FAF1: variants seen among roughly 807,000 people sequenced by gnomAD.
The protein encoded by FAF1 is FAS-associated factor 1.
In FAF1, 25 loss-of-function variants were observed where a neutral mutation model predicts 92.5. That is an observed-to-expected ratio of 0.27 (90% confidence interval 0.20 to 0.38). FAF1 has a LOEUF of 0.38. Ranked by LOEUF, FAF1 falls within the 10% of genes least tolerant of loss-of-function variation. FAF1 has a pLI of 1.00. For synonymous variants in FAF1, 234 were observed against 273.2 expected (o/e 0.86, Z 1.42); for missense variants, 636 against 793.3 (o/e 0.80, Z 2.38).
intron 1 of FAF1, among the ~76,000 whole-genome samples, chr1:50,948,575 C>G (rs907210110): frequency 6.6e-6 from 1 of 150,886 alleles, no homozygotes; most frequent in Non-Finnish European, 1.5e-5. Context: ...CTCTGTCGCC[C>G]AGGCTGGAGT....
chr1:50,914,631 T>C (rs1644907573), intron 1 of FAF1, among the ~76,000 whole-genome samples: 2 of 152,246 alleles, frequency 1.3e-5, no homozygotes, highest in Admixed American at 6.5e-5. Flanking sequence ...CACTGCGCAT[T>C]TAATTATATT....
At chr1:50,475,407 T>C in intron 18 of FAF1, 57 bp downstream of exon 18, 1 of 1,385,682 alleles carries the variant, frequency 7.2e-7, no homozygotes, top group East Asian at 2.3e-5. Context: ...TGTTCAGCTT[T>C]AATGATGGCA....
chr1:50,663,548 A>C (rs1312739620), intron 7 of FAF1, among the ~76,000 whole-genome samples: 1 of 151,106 alleles, frequency 6.6e-6, no homozygotes, highest in Non-Finnish European at 1.5e-5. Flanking sequence ...GACCACAGGC[A>C]CATGCCACCA....
At chr1:50,854,215 G>GA in intron 2 of FAF1, among the ~76,000 whole-genome samples, 1 of 152,150 alleles carries the variant, frequency 6.6e-6, no homozygotes, top group Admixed American at 6.5e-5. Flanking sequence ...CAGAAAGTGA[G>GA]ACGTGGGTCA....
intron 15 of FAF1, among the ~76,000 whole-genome samples, chr1:50,519,207 G>C (rs1366351620): frequency 2.6e-5 from 4 of 151,976 alleles, no homozygotes; most frequent in African/African-American, 4.8e-5. Flanking sequence ...GTGGGCACCT[G>C]AAATCCCAGC....
intron 12 of FAF1, among the ~76,000 whole-genome samples, chr1:50,577,131 C>T (rs1213212429): frequency 6.6e-6 from 1 of 152,156 alleles, no homozygotes; most frequent in Admixed American, 6.5e-5. Context: ...TTTAATCTTC[C>T]ATTGCCTTTA....
At chr1:50,903,605 T>C (rs1349636607) in intron 1 of FAF1, among the ~76,000 whole-genome samples, 2 of 152,010 alleles carry the variant, frequency 1.3e-5, no homozygotes, top group Non-Finnish European at 2.9e-5. Context: ...CTAATAAAAA[T>C]GGCAATAAAT....
At chr1:50,935,299 T>A (rs1249505294) in intron 1 of FAF1, among the ~76,000 whole-genome samples, 1 of 152,196 alleles carries the variant, frequency 6.6e-6, no homozygotes, top group Non-Finnish European at 1.5e-5. Flanking sequence ...TCATTACAAA[T>A]CACCATGAAT....
chr1:50,819,789 A>ACGTATATATATATACATATATATACG (rs1644025300), intron 2 of FAF1, among the ~76,000 whole-genome samples: 1 of 64,312 alleles, frequency 1.6e-5, no homozygotes, highest in Non-Finnish European at 3.2e-5. Context: ...ATATATATAC[A>ACGTATATATATATACATATATATACG]TATATATATA....
At chr1:50,874,384 CAG>C (rs1461766220) in intron 1 of FAF1, among the ~76,000 whole-genome samples, 5 of 152,080 alleles carry the variant, frequency 3.3e-5, no homozygotes, top group Non-Finnish European at 7.3e-5. Flanking sequence ...TGTTTTGAGA[CAG>C]AGTCTCACTC....
In FAF1 at chr1:50,674,954, G is replaced by A. The variant is rs759638595; in HGVS notation, c.658-19426C>T. 3.3e-5 allele frequency among the ~76,000 whole-genome samples: 5 copies of A among 151,832 alleles called. No homozygotes were observed. The South Asian group carries it at 6.2e-4, about 19-fold the overall frequency. The stretch of plus-strand genomic sequence containing the variant: ...TGCCCAGGCTGGAGTGCAGTGGCGC[G>A]ATCTTGGCTAACTGCAACCTCCGCC... On this transcript the variant is annotated intron_variant, in intron 7 of 18. Transcript: ENST00000396153.
chr1:50,794,685 G>A (rs996888107), intron 3 of FAF1, among the ~76,000 whole-genome samples: 5 of 152,118 alleles, frequency 3.3e-5, no homozygotes, highest in Non-Finnish European at 7.4e-5. Context: ...GTGAAATGGT[G>A]CAATCTTGCC....
intron 7 of FAF1, among the ~76,000 whole-genome samples, chr1:50,691,870 T>C (rs1392302593): frequency 2.6e-5 from 4 of 152,222 alleles, no homozygotes; most frequent in Admixed American, 1.3e-4. Context: ...ATTTATGGGG[T>C]ACAAAGTGAT....
chr1:50,522,497 T>A (rs1282197452), intron 15 of FAF1, among the ~76,000 whole-genome samples: 2 of 152,210 alleles, frequency 1.3e-5, no homozygotes, highest in Non-Finnish European at 2.9e-5. Flanking sequence ...AAGCTTAGTC[T>A]CTTCTTTAAG....
intron 17 of FAF1, among the ~76,000 whole-genome samples, chr1:50,489,371 T>C (rs1646803815): frequency 6.6e-6 from 1 of 152,226 alleles, no homozygotes; most frequent in South Asian, 2.1e-4. Flanking sequence ...GGCCTTTCCA[T>C]TGCTTGTTAG....
chr1:50,890,699 T>G (rs1644712012), intron 1 of FAF1, among the ~76,000 whole-genome samples: 2 of 152,240 alleles, frequency 1.3e-5, no homozygotes, highest in African/African-American at 4.8e-5. Context: ...CCCCACTCTC[T>G]TCTGGCTTGT....
At chr1:50,522,294 C>T (rs949797786) in intron 15 of FAF1, among the ~76,000 whole-genome samples, 1 of 152,054 alleles carries the variant, frequency 6.6e-6, no homozygotes, top group Non-Finnish European at 1.5e-5. Context: ...GTATCAAAAG[C>T]CTGTAAGTGT....
intron 2 of FAF1, among the ~76,000 whole-genome samples, chr1:50,807,478 C>G (rs1352332354): frequency 2.0e-5 from 3 of 152,172 alleles, no homozygotes; most frequent in African/African-American, 4.8e-5. Context: ...TTTAAACTAT[C>G]AGATCTCATG....
chr1:50,644,485 G>A (rs1437322465), intron 8 of FAF1, among the ~76,000 whole-genome samples: 1 of 152,194 alleles, frequency 6.6e-6, no homozygotes, highest in East Asian at 1.9e-4. Flanking sequence ...AAGACTTGGG[G>A]AACCCCATGC....
Sources: gnomAD v4.1 joint callset for allele counts (sites outside exome capture counted in the v4.1 genomes callset) on GRCh38, gnomAD v4.1.1 for gene constraint, MANE v1.5 for transcripts, NCBI Gene and HGNC (gene_info 2026-07-23, HGNC 2026-07-21) for gene names.